Variants in HPSE2 observed in about 807,000 individuals in gnomAD.
HPSE2 encodes heparanase 2 (inactive).
A neutral mutation model predicts 60.5 loss-of-function variants in HPSE2; 38 were observed. That is an observed-to-expected ratio of 0.63 (90% CI 0.48 to 0.82). HPSE2 has a LOEUF of 0.82. Among genes scored for constraint, HPSE2 ranks in the 40% least tolerant of loss-of-function variants. HPSE2 has a pLI of 0.00. For missense variants in HPSE2, 713 were observed against 740.4 expected (o/e 0.96, Z 0.43); for synonymous variants, 295 against 293.2 (o/e 1.01, Z -0.06).
intron 3 of HPSE2, among the ~76,000 whole-genome samples, chr10:98,929,276 A>G (rs1954577821): frequency 7.0e-6 from 1 of 143,688 alleles, no homozygotes; most frequent in Non-Finnish European, 1.5e-5. Flanking sequence ...TGCAGATCCT[A>G]TAATCTTCCA....
chr10:99,101,112 T>C (rs568272389), intron 3 of HPSE2, among the ~76,000 whole-genome samples: 14 of 152,266 alleles, frequency 9.2e-5, no homozygotes, highest in Admixed American at 3.3e-4. Context: ...AACATCATAA[T>C]GACAGGATAA....
intron 6 of HPSE2, among the ~76,000 whole-genome samples, chr10:98,690,244 A>G (rs566848807): frequency 7.2e-5 from 11 of 152,302 alleles, no homozygotes; most frequent in African/African-American, 2.6e-4. Context: ...TGAATTGTTA[A>G]ATAACTACAG....
chr10:99,127,287 TATC>T (rs974232436), intron 3 of HPSE2, among the ~76,000 whole-genome samples: 12 of 152,044 alleles, frequency 7.9e-5, no homozygotes, highest in African/African-American at 2.9e-4. Flanking sequence ...GAGAAATAGA[TATC>T]ATAAAGAAAA....
intron 3 of HPSE2, among the ~76,000 whole-genome samples, chr10:99,037,189 A>T (rs979542529): frequency 6.6e-6 from 1 of 152,210 alleles, no homozygotes; most frequent in Admixed American, 6.5e-5. Context: ...GAAAAGAGCA[A>T]GGAATTACCA....
At chr10:98,934,897 C>T (rs1361259263) in intron 3 of HPSE2, among the ~76,000 whole-genome samples, 1 of 143,402 alleles carries the variant, frequency 7.0e-6, no homozygotes, top group East Asian at 2.0e-4. Context: ...TGGTTCCATT[C>T]TCCCCATCTC....
intron 6 of HPSE2, among the ~76,000 whole-genome samples, chr10:98,678,096 A>G (rs138248957): frequency 2.6e-4 from 39 of 152,336 alleles, no homozygotes; most frequent in African/African-American, 8.9e-4. Flanking sequence ...GTGAAGAATG[A>G]TGAATGTAAG....
At chr10:98,545,046 A>T (rs1195779871) in intron 9 of HPSE2, among the ~76,000 whole-genome samples, 1 of 152,204 alleles carries the variant, frequency 6.6e-6, no homozygotes, top group East Asian at 1.9e-4. Flanking sequence ...ATAAACTAGA[A>T]AATCTAGAAG....
chr10:98,990,134 C>T (rs1956488297), intron 3 of HPSE2, among the ~76,000 whole-genome samples: 1 of 152,202 alleles, frequency 6.6e-6, no homozygotes, highest in Non-Finnish European at 1.5e-5. Flanking sequence ...AACTCAAGTA[C>T]ATCAACTCAC....
At chr10:99,207,000 TAGC>T (rs1256606037) in intron 2 of HPSE2, among the ~76,000 whole-genome samples, 1 of 152,088 alleles carries the variant, frequency 6.6e-6, no homozygotes, top group Non-Finnish European at 1.5e-5. Flanking sequence ...TAAAAAATAA[TAGC>T]AGAATATTTT....
intron 6 of HPSE2, among the ~76,000 whole-genome samples, chr10:98,660,500 T>TA (rs1302756723): frequency 6.6e-6 from 1 of 152,216 alleles, no homozygotes; most frequent in East Asian, 1.9e-4. Flanking sequence ...TAGCCACTAT[T>TA]AAAAACGTAG....
At chr10:98,741,289 C>T (rs537737501) in intron 4 of HPSE2, among the ~76,000 whole-genome samples, 55 of 152,050 alleles carry the variant, frequency 3.6e-4, no homozygotes, top group African/African-American at 1.3e-3. Context: ...TGACAGTGCC[C>T]TTTCTCCTCT....
chr10:98,669,899 TAAA>T (rs769409091), intron 6 of HPSE2, among the ~76,000 whole-genome samples: 10 of 151,688 alleles, frequency 6.6e-5, no homozygotes, highest in Non-Finnish European at 1.3e-4. Context: ...AAAGAAAAAG[TAAA>T]GAAGGGGTTA....
chr10:98,825,605 G>A (rs1040070982), intron 3 of HPSE2, among the ~76,000 whole-genome samples: 7 of 150,896 alleles, frequency 4.6e-5, no homozygotes, highest in Non-Finnish European at 7.4e-5. Context: ...CTCTAGCCCC[G>A]GGGTTGGGGG....
chr10:99,224,175 ACT>A lies in HPSE2; in HGVS notation c.448+8171_448+8172del, dbSNP rs543596137. On this transcript the variant is annotated intron_variant, in intron 2 of 11. Transcript: ENST00000370552. ...CATTTATTGAATTGAGCAAAATTAC[ACT>A]GTCTTTCACCATATCAAAGTGAAGA... 4.2e-3 allele frequency among the ~76,000 whole-genome samples: 632 copies of A among 152,194 alleles called. 6 individuals carry two copies. The highest frequency in any genetic ancestry group is 0.015 in the African/African-American group (606 of 41,562).
intron 2 of HPSE2, among the ~76,000 whole-genome samples, chr10:99,202,338 A>G (rs533467632): frequency 7.2e-5 from 11 of 152,312 alleles, no homozygotes; most frequent in Non-Finnish European, 1.2e-4. Flanking sequence ...CAGAAATTCA[A>G]TATAAGGATG....
At chr10:99,032,759 T>C (rs1419389035) in intron 3 of HPSE2, among the ~76,000 whole-genome samples, 1 of 152,188 alleles carries the variant, frequency 6.6e-6, no homozygotes, top group Non-Finnish European at 1.5e-5. Context: ...CTATTTCTTT[T>C]CCTTTTCCAG....
chr10:98,771,324 G>A (rs2134420734), intron 3 of HPSE2, among the ~76,000 whole-genome samples: 1 of 152,266 alleles, frequency 6.6e-6, no homozygotes, highest in South Asian at 2.1e-4. Flanking sequence ...CCTGAAATAT[G>A]AGATAGGCCC....
At chr10:98,545,750 G>A (rs1166615848) in intron 9 of HPSE2, among the ~76,000 whole-genome samples, 4 of 151,668 alleles carry the variant, frequency 2.6e-5, no homozygotes, top group Non-Finnish European at 4.4e-5. Context: ...CACAAGACAG[G>A]GATGCCCTCT....
At chr10:99,063,675 T>C (rs1272178715) in intron 3 of HPSE2, among the ~76,000 whole-genome samples, 1 of 152,180 alleles carries the variant, frequency 6.6e-6, no homozygotes, top group Non-Finnish European at 1.5e-5. Context: ...TTAAAATAAC[T>C]AAATTAATGG....
Sources: gnomAD v4.1 joint callset for allele counts (sites outside exome capture counted in the v4.1 genomes callset) on GRCh38, gnomAD v4.1.1 for gene constraint, MANE v1.5 for transcripts, NCBI Gene and HGNC (gene_info 2026-07-23, HGNC 2026-07-21) for gene names.